RAB21: variants seen among roughly 807,000 people sequenced by gnomAD.
RAB21 encodes the protein ras-related protein Rab-21.
A neutral mutation model predicts 33.1 loss-of-function variants in RAB21; 13 were observed. The observed-to-expected ratio is 0.39, with a 90% CI of 0.26 to 0.62. The LOEUF is 0.62. Ranked by LOEUF, RAB21 falls within the 20% of genes least tolerant of loss-of-function variation. RAB21 has a pLI of 0.48. For missense variants in RAB21, 234 were observed against 279.1 expected (o/e 0.84, Z 1.15); for synonymous variants, 91 against 103.7 (o/e 0.88, Z 0.74).
At position 71,798,473 on chromosome 12, in the gene RAB21, G is replaced by C. The variant is rs1357988970; in HGVS notation, c.*12800G>C. ...TAGTCTAAAGAAAAATGACAAATTT[G>C]GAAAAAATATTTTCAAATCATATCA... On this transcript the variant is annotated 3_prime_UTR_variant, in exon 7 of 7. Transcript: ENST00000261263. The C allele has an allele frequency of 6.6e-6, 1 of 151,798 alleles. No individual in the cohort carries two copies. Among genetic ancestry groups the C allele is most frequent in the East Asian group, 1.9e-4 (1 of 5,178 alleles). The allele number at this position is 151,798 out of a possible 1,614,324, so 9.4% of individuals were successfully genotyped here.
chr12:71,770,786 A>C (rs1565888827), intron 3 of RAB21, 87 bp downstream of exon 3: 2 of 861,080 alleles, frequency 2.3e-6, no homozygotes, highest in Non-Finnish European at 3.6e-6. Flanking sequence ...TAATGTGATT[A>C]GTTTTCTTTT....
chr12:71,774,020 T>C lies in RAB21; in HGVS notation c.389T>C (p.Val130Ala). 6.4e-7 allele frequency: 1 copy of C among 1,568,554 alleles called. No individual in the cohort carries two copies. Among genetic ancestry groups the C allele is most frequent in the Non-Finnish European group, 8.6e-7 (1 of 1,157,612 alleles). Residue 130 changes from valine to alanine, a missense_variant and splice_region_variant, in exon 4 of 7, where the codon GTT becomes GCT. Physicochemically the swap from Val to Ala is moderately conservative, Grantham distance 64 (BLOSUM62 0). Coordinates refer to ENST00000261263, the MANE Select transcript of RAB21 (RefSeq NM_014999.4). ...MLGNEICLCI[V>A]GNKIDLEKER... ...GGAAATGAAATCTGTTTATGTATAG[T>C]TGGTAAGCATCATTACTTTTTTCTA...
At chr12:71,761,350 C>T (rs1337289563) in intron 1 of RAB21, among the ~76,000 whole-genome samples, 2 of 152,148 alleles carry the variant, frequency 1.3e-5, no homozygotes, top group Non-Finnish European at 2.9e-5. Context: ...TTAAGACCAA[C>T]CTGGGCAACA....
chr12:71,784,595 T>C (rs1291739585), intron 6 of RAB21, among the ~76,000 whole-genome samples: 4 of 152,146 alleles, frequency 2.6e-5, no homozygotes, highest in African/African-American at 9.7e-5. Context: ...TGAATAACCT[T>C]GGCAACCATG....
intron 1 of RAB21, among the ~76,000 whole-genome samples, chr12:71,765,025 G>A (rs1380045060): frequency 6.6e-6 from 1 of 152,150 alleles, no homozygotes; most frequent in Non-Finnish European, 1.5e-5. Flanking sequence ...AGTTCTGTAA[G>A]TAATCTCCAT....
In RAB21 at chr12:71,755,268, A is replaced by C; in HGVS notation, c.139A>C (p.Lys47Gln). 1 of 1,538,878 alleles carries C rather than the reference A, an allele frequency of 6.5e-7. No individual in the cohort carries two copies. The highest frequency in any genetic ancestry group is 2.7e-5 in the East Asian group (1 of 36,620). The change falls in exon 1 of 7, where the codon AAG (lysine) becomes CAG (glutamine). Residue 47 changes from lysine to glutamine, a missense_variant. Physicochemically the swap from Lys to Gln is moderately conservative, Grantham distance 53. Transcript: ENST00000261263. ...LRYCENKFND[K>Q]HITTLQASFL... ...CTACTGCGAGAACAAGTTTAACGAC[A>C]AGCACATCACCACTCTGCAGGTGCG...
chr12:71,782,501 TA>T, intron 5 of RAB21, 68 bp from the exon 6 acceptor site: 10 of 1,118,442 alleles, frequency 8.9e-6, no homozygotes, highest in Non-Finnish European at 1.3e-5. Context: ...ACTGTTACTA[TA>T]AAAAAGCAGT....
chr12:71,765,760 G>T (rs561503898), intron 1 of RAB21, among the ~76,000 whole-genome samples: 4 of 152,200 alleles, frequency 2.6e-5, no homozygotes, highest in South Asian at 4.1e-4. Flanking sequence ...TCAGGTAAGT[G>T]TAAGTATTTG....
chr12:71,756,674 T>G (rs1478122396), intron 1 of RAB21, among the ~76,000 whole-genome samples: 1 of 152,222 alleles, frequency 6.6e-6, no homozygotes. Flanking sequence ...GAATTGTTAT[T>G]GTTCAGTGTC....
rs1180131417 is a variant in RAB21, at chr12:71,793,597, G to T, written c.*7924G>T. ...TTTCATTCTTACTAGTTCACAAAAGGTTAGTAAATTTAGTGATTTAATGAG... is the reference window on the plus strand; with the variant it reads ...TTTCATTCTTACTAGTTCACAAAAGTTTAGTAAATTTAGTGATTTAATGAG... On this transcript the variant is annotated 3_prime_UTR_variant, in exon 7 of 7. Coordinates refer to ENST00000261263, the MANE Select transcript of RAB21 (RefSeq NM_014999.4). The T allele has an allele frequency of 6.6e-6, 1 of 152,164 alleles. No homozygotes were observed. Among genetic ancestry groups the T allele is most frequent in the Non-Finnish European group, 1.5e-5 (1 of 68,034 alleles). 9.4% of individuals were successfully genotyped at this position (152,164 alleles called of 1,614,324 possible). A position where few individuals can be genotyped will look rare whatever the true frequency, so the allele number is the denominator to read the frequency against.
intron 1 of RAB21, among the ~76,000 whole-genome samples, chr12:71,758,894 A>G (rs1003145751): frequency 6.6e-6 from 1 of 152,194 alleles, no homozygotes; most frequent in Non-Finnish European, 1.5e-5. Context: ...TGAACAGAGA[A>G]GTGCAGGCTG....
At chr12:71,774,291 C>CAAAAAAAA (rs143403147) in intron 4 of RAB21, 8 of 27,642 alleles carry the variant, frequency 2.9e-4, no homozygotes, top group South Asian at 2.6e-3. Context: ...TCTAAAAATA[C>CAAAAAAAA]AAAAAAAAAA....
intron 1 of RAB21, among the ~76,000 whole-genome samples, chr12:71,755,857 G>T (rs1882777939): frequency 6.6e-6 from 1 of 152,158 alleles, no homozygotes; most frequent in Non-Finnish European, 1.5e-5. Context: ...TGACTTGCGG[G>T]TCACTCATAT....
intron 1 of RAB21, among the ~76,000 whole-genome samples, chr12:71,761,584 A>G (rs1206211136): frequency 6.6e-6 from 1 of 152,198 alleles, no homozygotes. Flanking sequence ...AGGCTAAGGA[A>G]GGAGAATCAC....
intron 4 of RAB21, among the ~76,000 whole-genome samples, chr12:71,777,881 C>T (rs1174956721): frequency 6.6e-6 from 1 of 152,232 alleles, no homozygotes; most frequent in Non-Finnish European, 1.5e-5. Context: ...TCTCTCTCCT[C>T]ACACTGGCCT....
chr12:71,765,568 A>G (rs937279676), intron 1 of RAB21, among the ~76,000 whole-genome samples: 3 of 151,998 alleles, frequency 2.0e-5, no homozygotes, highest in African/African-American at 7.2e-5. Context: ...TATCCCCTAG[A>G]ATTTTTATGG....
rs1300255075 is a variant in RAB21, at chr12:71,785,887, T to C, written c.*214T>C. 1.1e-5 allele frequency: 6 copies of C among 549,132 alleles called. No individual in the cohort carries two copies. The highest frequency in any genetic ancestry group is 1.8e-5 in the Non-Finnish European group (6 of 339,572). 34.0% of individuals were successfully genotyped at this position (549,132 alleles called of 1,614,324 possible). On this transcript the variant is annotated 3_prime_UTR_variant, in exon 7 of 7. Coordinates refer to ENST00000261263, the MANE Select transcript of RAB21 (RefSeq NM_014999.4). ...TGGCATTTTCTACAAATGTTTTTTT[T>C]TGTTTTTTTTTTGTTTTTTTTTGTT... is the stretch of plus-strand genomic sequence containing the variant.
intron 1 of RAB21, among the ~76,000 whole-genome samples, chr12:71,763,037 T>C (rs1882901157): frequency 6.6e-6 from 1 of 151,880 alleles, no homozygotes; most frequent in Admixed American, 6.6e-5. Flanking sequence ...CAAATAGTTG[T>C]ACATTATTTA....
intron 1 of RAB21, among the ~76,000 whole-genome samples, chr12:71,767,731 C>G (rs1235058651): frequency 6.6e-6 from 1 of 152,006 alleles, no homozygotes; most frequent in Non-Finnish European, 1.5e-5. Flanking sequence ...AATGAGAAGG[C>G]GAATGTGATC....
Sources: gnomAD v4.1 joint callset for allele counts (sites outside exome capture counted in the v4.1 genomes callset) on GRCh38, gnomAD v4.1.1 for gene constraint, MANE v1.5 for transcripts, NCBI Gene and HGNC (gene_info 2026-07-23, HGNC 2026-07-21) for gene names.